SNX29: variants seen among roughly 807,000 people sequenced by gnomAD.
The protein encoded by SNX29 is sorting nexin 29.
SNX29 carries 78 observed loss-of-function variants against 102.1 expected under a neutral mutation model. The ratio of observed to expected loss-of-function variants is 0.76; its 90% CI spans 0.64 to 0.92. The LOEUF is 0.92. Ranked by LOEUF, SNX29 falls within the 40% of genes least tolerant of loss-of-function variation. The pLI is 0.00. For synonymous variants in SNX29, 580 were observed against 414.5 expected, an observed-to-expected ratio of 1.40 and a Z score of -4.85; for missense variants, 1,280 against 1,061.7, an observed-to-expected ratio of 1.21 and a Z score of -2.86.
chr16:12,048,783 G>C (rs2050191011), intron 7 of SNX29, among the ~76,000 whole-genome samples, 163 bp downstream of exon 7: 1 of 152,136 alleles, frequency 6.6e-6, no homozygotes, highest in Non-Finnish European at 1.5e-5. Context: ...ACTCTGAAAG[G>C]GCTCTGACGG....
chr16:12,059,053 G>A (rs2050654677), intron 8 of SNX29, among the ~76,000 whole-genome samples: 1 of 152,084 alleles, frequency 6.6e-6, no homozygotes, highest in African/African-American at 2.4e-5. Flanking sequence ...ATAAATGTGA[G>A]CCACTGGCCT....
intron 14 of SNX29, among the ~76,000 whole-genome samples, chr16:12,203,936 C>T (rs1395538809): frequency 2.0e-5 from 3 of 152,304 alleles, no homozygotes; most frequent in South Asian, 2.1e-4. Context: ...ACTTGACCAG[C>T]GTCCTCCCTC....
chr16:12,480,147 C>G (rs948853132), intron 19 of SNX29, among the ~76,000 whole-genome samples: 4 of 152,216 alleles, frequency 2.6e-5, no homozygotes, highest in African/African-American at 4.8e-5. Flanking sequence ...TTAGTTTCCT[C>G]TTACTGCTGT....
chr16:11,997,800 A>T (rs2056141114), intron 1 of SNX29, among the ~76,000 whole-genome samples: 1 of 152,146 alleles, frequency 6.6e-6, no homozygotes, highest in African/African-American at 2.4e-5. Flanking sequence ...TTTTAGCTCC[A>T]TGAGAAGATG....
intron 20 of SNX29, among the ~76,000 whole-genome samples, chr16:12,537,011 C>A (rs1016690609): frequency 6.6e-6 from 1 of 152,160 alleles, no homozygotes; most frequent in African/African-American, 2.4e-5. Context: ...TTGTTCAGGG[C>A]ATGGGGGCCG....
At chr16:12,436,291 G>C (rs1172748684) in intron 18 of SNX29, among the ~76,000 whole-genome samples, 1 of 152,158 alleles carries the variant, frequency 6.6e-6, no homozygotes, top group Non-Finnish European at 1.5e-5. Flanking sequence ...AGCTTAAGGA[G>C]CTCACAGACG....
At chr16:12,560,144 C>T (rs891209840) in intron 20 of SNX29, among the ~76,000 whole-genome samples, 1 of 43,282 alleles carries the variant, frequency 2.3e-5, no homozygotes, top group East Asian at 3.1e-4. Context: ...CTCCCCCCCC[C>T]AACAAACAGT....
At chr16:12,516,436 T>C (rs1443032489) in intron 19 of SNX29, among the ~76,000 whole-genome samples, 1 of 144,240 alleles carries the variant, frequency 6.9e-6, no homozygotes, top group African/African-American at 2.6e-5. Flanking sequence ...GCCATGATTG[T>C]ACCACTGCAC....
At chr16:12,502,532 C>T (rs1408780309) in intron 19 of SNX29, among the ~76,000 whole-genome samples, 6 of 152,104 alleles carry the variant, frequency 3.9e-5, no homozygotes, top group Admixed American at 1.3e-4. Flanking sequence ...AGCTTCCCCA[C>T]GGTGGCCGGG....
intron 15 of SNX29, among the ~76,000 whole-genome samples, chr16:12,306,688 C>G (rs1477512784): frequency 6.6e-6 from 1 of 152,238 alleles, no homozygotes; most frequent in Non-Finnish European, 1.5e-5. Context: ...AGCACTCCTG[C>G]TGCAGCGGCA....
chr16:12,390,180 GTA>G (rs1555526490), intron 16 of SNX29, among the ~76,000 whole-genome samples: 14 of 148,982 alleles, frequency 9.4e-5, no homozygotes, highest in East Asian at 4.3e-4. Context: ...GTGTGTGTGT[GTA>G]TGTATATGTA....
At chr16:12,518,553 C>G (rs949233756) in intron 19 of SNX29, among the ~76,000 whole-genome samples, 2 of 152,210 alleles carry the variant, frequency 1.3e-5, no homozygotes, top group Non-Finnish European at 2.9e-5. Flanking sequence ...GTGACACGCT[C>G]TCTCCAGCCC....
chr16:12,313,167 C>G (rs950300102), intron 15 of SNX29, among the ~76,000 whole-genome samples: 1 of 152,090 alleles, frequency 6.6e-6, no homozygotes, highest in African/African-American at 2.4e-5. Flanking sequence ...GCGCCCACCA[C>G]CATGCCCGGC....
chr16:12,140,733 G>A (rs916691637), intron 13 of SNX29, among the ~76,000 whole-genome samples: 1 of 152,168 alleles, frequency 6.6e-6, no homozygotes, highest in Non-Finnish European at 1.5e-5. Context: ...TCTCTGTGCT[G>A]TGTTCTCCAT....
At chr16:12,212,978 G>C (rs561246179) in intron 14 of SNX29, among the ~76,000 whole-genome samples, 1 of 152,284 alleles carries the variant, frequency 6.6e-6, no homozygotes, top group Non-Finnish European at 1.5e-5. Context: ...GCTGGGCATG[G>C]TGGCATGCAC....
chr16:12,559,316 A>C (rs1167745449), intron 20 of SNX29, among the ~76,000 whole-genome samples: 2 of 151,858 alleles, frequency 1.3e-5, no homozygotes, highest in Non-Finnish European at 2.9e-5. Flanking sequence ...CCTATTGTGA[A>C]CTGCCCATGT....
At chr16:12,508,392 G>A (rs2089468483) in intron 19 of SNX29, among the ~76,000 whole-genome samples, 1 of 152,240 alleles carries the variant, frequency 6.6e-6, no homozygotes, top group African/African-American at 2.4e-5. Flanking sequence ...CAGCGGGGCC[G>A]CAACAAGCTT....
At chr16:12,260,644 AG>A (rs111840718) in intron 14 of SNX29, among the ~76,000 whole-genome samples, 2,422 of 72,662 alleles carry the variant, frequency 0.033, 67 homozygotes, top group African/African-American at 0.11. Flanking sequence ...GGGCTTTCTT[AG>A]CCAGGTCCCC....
chr16:12,405,192 T>C (rs773455180), intron 18 of SNX29, among the ~76,000 whole-genome samples: 6 of 152,214 alleles, frequency 3.9e-5, no homozygotes, highest in Non-Finnish European at 5.9e-5. Context: ...GACAGCTCTA[T>C]TTTAGAGCAA....
Sources: gnomAD v4.1 joint callset for allele counts (sites outside exome capture counted in the v4.1 genomes callset) on GRCh38, gnomAD v4.1.1 for gene constraint, MANE v1.5 for transcripts, NCBI Gene and HGNC (gene_info 2026-07-23, HGNC 2026-07-21) for gene names.